AK8: variants seen among roughly 807,000 people sequenced by gnomAD.
AK8 encodes the protein ATP-AMP transphosphorylase 8.
AK8 carries 44 observed loss-of-function variants against 54.6 expected under a neutral mutation model. The ratio of observed to expected loss-of-function variants is 0.81; its 90% CI spans 0.63 to 1.04. AK8 has a LOEUF of 1.04. Ranked by LOEUF, AK8 falls within the 50% of genes least tolerant of loss-of-function variation. The pLI is 0.00. For synonymous variants in AK8, 239 were observed against 245.6 expected (o/e 0.97, Z 0.25); for missense variants, 555 against 613.6 (o/e 0.90, Z 1.01).
In AK8 at chr9:132,823,339, G is replaced by T. The variant is rs777721208; in HGVS notation, c.758-3C>A. 2 of 1,613,810 alleles carry T rather than the reference G, an allele frequency of 1.2e-6. No homozygotes were observed. The highest frequency in any genetic ancestry group is 8.5e-7 in the Non-Finnish European group (1 of 1,179,824). On this transcript the variant is annotated splice_region_variant and splice_polypyrimidine_tract_variant and intron_variant, in intron 8 of 12. Coordinates refer to ENST00000298545, the MANE Select transcript of AK8 (RefSeq NM_152572.3). Reference sequence around the variant, plus strand: ...GTTGCTTTGGACATAGGTCAGAGCTGGAAAGAGAGGATATGAGGATAATAA... The same window carrying T: ...GTTGCTTTGGACATAGGTCAGAGCTTGAAAGAGAGGATATGAGGATAATAA...
At chr9:132,848,438 T>G (rs974953072) in intron 5 of AK8, among the ~76,000 whole-genome samples, 2 of 152,138 alleles carry the variant, frequency 1.3e-5, no homozygotes, top group Admixed American at 6.5e-5. Context: ...TGAGGTTGGT[T>G]TGACACTCTG....
At chr9:132,749,243 G>A (rs1837793011) in intron 11 of AK8, among the ~76,000 whole-genome samples, 1 of 151,968 alleles carries the variant, frequency 6.6e-6, no homozygotes, top group South Asian at 2.1e-4. Context: ...TCTCTTTGTA[G>A]GAGTTAGGCA....
intron 11 of AK8, among the ~76,000 whole-genome samples, chr9:132,780,994 C>T (rs1028685699): frequency 2.6e-5 from 4 of 152,114 alleles, no homozygotes; most frequent in South Asian, 2.1e-4. Flanking sequence ...GTCTCATACA[C>T]GGCAAACTTC....
chr9:132,750,104 G>A (rs773785731), intron 11 of AK8, among the ~76,000 whole-genome samples: 1 of 151,790 alleles, frequency 6.6e-6, no homozygotes, highest in Non-Finnish European at 1.5e-5. Context: ...TGGCCTCTCT[G>A]TGCCCACCCC....
chr9:132,780,273 C>G (rs1445907900), intron 11 of AK8, among the ~76,000 whole-genome samples: 6 of 152,166 alleles, frequency 3.9e-5, no homozygotes, highest in Non-Finnish European at 7.3e-5. Context: ...GTTTTGTCCT[C>G]GGAAATCTAA....
rs1843630374 is a variant in AK8 at position 132,867,075 on chromosome 9, C to T, written c.170-122G>A. Reference sequence around the variant, plus strand: ...TTTCATTTTCTGCCAGTGACACGGCCATTTGTAACCCAGCAGCTCAGAGAC... The same window carrying T: ...TTTCATTTTCTGCCAGTGACACGGCTATTTGTAACCCAGCAGCTCAGAGAC... On this transcript the variant is annotated intron_variant, in intron 2 of 12. Coordinates refer to ENST00000298545, the MANE Select transcript of AK8 (RefSeq NM_152572.3). 8.9e-6 allele frequency: 8 copies of T among 897,164 alleles called. No homozygotes were observed. In the East Asian group the frequency reaches 2.0e-4, roughly 23 times the overall value. 55.6% of individuals were successfully genotyped at this position (897,164 alleles called of 1,614,324 possible). A position where few individuals can be genotyped will look rare whatever the true frequency, so the allele number is the denominator to read the frequency against.
At chr9:132,858,096 T>C (rs1843248735) in intron 4 of AK8, among the ~76,000 whole-genome samples, 1 of 152,166 alleles carries the variant, frequency 6.6e-6, no homozygotes, top group Non-Finnish European at 1.5e-5. Context: ...CTCAGGCCCC[T>C]GGCCCCGGGT....
At chr9:132,876,517 T>C (rs183160175) in intron 1 of AK8, among the ~76,000 whole-genome samples, 1 of 152,174 alleles carries the variant, frequency 6.6e-6, no homozygotes, top group Non-Finnish European at 1.5e-5. Flanking sequence ...CAGAACTGTA[T>C]GCACAACAAA....
Position 132,788,073 on chromosome 9 carries a change from G to A in AK8, c.1121+4561C>T, listed in dbSNP as rs576654039. On this transcript the variant is annotated intron_variant, in intron 11 of 12. Coordinates refer to ENST00000298545, the MANE Select transcript of AK8 (RefSeq NM_152572.3). ...CTGAAACTGACAGATTACACAATAT[G>A]ATGGACTTTGTGGGAAATTGTTCTG... 1.7e-4 allele frequency among the ~76,000 whole-genome samples: 26 copies of A among 152,138 alleles called. No individual in the cohort carries two copies. The South Asian group carries it at 5.4e-3, about 32-fold the overall frequency.
At chr9:132,788,536 A>G (rs1839810918) in intron 11 of AK8, among the ~76,000 whole-genome samples, 1 of 152,262 alleles carries the variant, frequency 6.6e-6, no homozygotes, top group South Asian at 2.1e-4. Context: ...GCACTAAATA[A>G]CATAGCACCA....
chr9:132,789,597 C>CAAAAAAAAAAAAAAAAAAAAA (rs578003731), intron 11 of AK8, among the ~76,000 whole-genome samples: 17 of 57,528 alleles, frequency 3.0e-4, no homozygotes, highest in South Asian at 1.1e-3. Flanking sequence ...ACTCATCTCA[C>CAAAAAAAAAAAAAAAAAAAAA]AAAAAAAAAA....
In AK8 at chr9:132,878,023, C is replaced by G; in HGVS notation, c.84+149G>C. The G allele has an allele frequency of 6.5e-7, 1 of 1,531,124 alleles. No homozygotes were observed. The highest frequency in any genetic ancestry group is 8.8e-7 in the Non-Finnish European group (1 of 1,133,306). 94.8% of individuals were successfully genotyped at this position (1,531,124 alleles called of 1,614,324 possible). A position where few individuals can be genotyped will look rare whatever the true frequency, so the allele number is the denominator to read the frequency against. ...CAGCTCGAGGGCCCCCTCGGGGTCA[C>G]GGCGACACACGAATCGTACATCCCG... On this transcript the variant is annotated intron_variant, in intron 1 of 12. Transcript: ENST00000298545. This position sits in a 1 kb window ranked among gnomAD's most constrained non-coding sequence, Gnocchi z 4.7.
chr9:132,749,163 T>G (rs2131006380), intron 11 of AK8, among the ~76,000 whole-genome samples: 1 of 152,098 alleles, frequency 6.6e-6, no homozygotes, highest in African/African-American at 2.4e-5. Flanking sequence ...CGTGAGCCAC[T>G]GCGCCCAGTA....
At chr9:132,731,168 T>C (rs1006471681) in intron 11 of AK8, among the ~76,000 whole-genome samples, 1 of 152,186 alleles carries the variant, frequency 6.6e-6, no homozygotes, top group African/African-American at 2.4e-5. Flanking sequence ...AAGATTAAAA[T>C]CCTAAATGTG....
chr9:132,777,858 A>G (rs1839289840), intron 11 of AK8, among the ~76,000 whole-genome samples: 1 of 152,096 alleles, frequency 6.6e-6, no homozygotes, highest in African/African-American at 2.4e-5. Flanking sequence ...TGTGGGTCCC[A>G]CCCCCAACAC....
intron 10 of AK8, among the ~76,000 whole-genome samples, chr9:132,809,108 C>T (rs451714): frequency 9.2e-5 from 14 of 152,228 alleles, no homozygotes; most frequent in African/African-American, 2.9e-4. Flanking sequence ...AAACTCCTAA[C>T]AGGCAGGGGA....
intron 11 of AK8, among the ~76,000 whole-genome samples, chr9:132,765,305 A>AAAAAAG (rs1234372742): frequency 6.6e-6 from 1 of 150,402 alleles, no homozygotes; most frequent in Non-Finnish European, 1.5e-5. Context: ...AAAAAAAAAA[A>AAAAAAG]AAAAAAAAAG....
chr9:132,775,011 G>A (rs966192481), intron 11 of AK8, among the ~76,000 whole-genome samples: 1 of 152,152 alleles, frequency 6.6e-6, no homozygotes, highest in African/African-American at 2.4e-5. Context: ...TTCAGGAGGG[G>A]AAATTTCCTG....
At chr9:132,749,041 A>C (rs1283176308) in intron 11 of AK8, among the ~76,000 whole-genome samples, 1 of 151,654 alleles carries the variant, frequency 6.6e-6, no homozygotes, top group Non-Finnish European at 1.5e-5. Flanking sequence ...AGCCCGGCTA[A>C]TTTTTGTATT....
Sources: gnomAD v4.1 joint callset for allele counts (sites outside exome capture counted in the v4.1 genomes callset) on GRCh38, gnomAD v4.1.1 for gene constraint, Gnocchi (gnomAD v3.1) non-coding constraint, MANE v1.5 for transcripts, NCBI Gene and HGNC (gene_info 2026-07-23, HGNC 2026-07-21) for gene names.